RGS18: variants seen among roughly 807,000 people sequenced by gnomAD.
The protein encoded by RGS18 is regulator of G-protein signaling 18.
A neutral mutation model predicts 27.6 loss-of-function variants in RGS18; 22 were observed. That is an observed-to-expected ratio of 0.80 (90% CI 0.57 to 1.14). RGS18 has a LOEUF of 1.14. Ranked by LOEUF, RGS18 falls within the 50% of genes most tolerant of loss-of-function variation. The probability of loss-of-function intolerance (pLI) is 0.00; values close to 1 mark genes in which losing one functional copy is unlikely to be tolerated. For synonymous variants in RGS18, 89 were observed against 84.6 expected, an observed-to-expected ratio of 1.05 and a Z score of -0.29; for missense variants, 299 against 269.6, an observed-to-expected ratio of 1.11 and a Z score of -0.76.
At chr1:192,160,497 G>T in intron 3 of RGS18, 58 bp downstream of exon 3, 1 of 1,243,188 alleles carries the variant, frequency 8.0e-7, no homozygotes, top group South Asian at 1.3e-5. Context: ...CACAAACTAT[G>T]CATGTAATTA....
chr1:192,160,175 A>C (rs759238240), intron 2 of RGS18, among the ~76,000 whole-genome samples: 1 of 152,196 alleles, frequency 6.6e-6, no homozygotes, highest in Admixed American at 6.5e-5. Flanking sequence ...TTATTTCAAC[A>C]CATTATTCAA....
chr1:192,159,994 A>AT (rs988717215), intron 2 of RGS18, among the ~76,000 whole-genome samples: 3 of 151,360 alleles, frequency 2.0e-5, no homozygotes, highest in Admixed American at 6.6e-5. Flanking sequence ...TTGCAGTATA[A>AT]TTTTTTTTTA....
In RGS18 at chr1:192,185,053, A is replaced by G. The variant is rs544291246; in HGVS notation, c.*499A>G. ...GTTCTTACAATGGGAGATGAAGAACATTTATTATTGGGTTACTACTAACCC... is the reference window on the plus strand; with the variant it reads ...GTTCTTACAATGGGAGATGAAGAACGTTTATTATTGGGTTACTACTAACCC... On this transcript the variant is annotated 3_prime_UTR_variant, in exon 5 of 5. Coordinates refer to ENST00000367460, the MANE Select transcript of RGS18 (RefSeq NM_130782.3). 1 of 157,204 alleles carries G rather than the reference A, an allele frequency of 6.4e-6. No individual in the cohort carries two copies. The highest frequency in any genetic ancestry group is 1.9e-4 in the East Asian group (1 of 5,366). 9.7% of individuals were successfully genotyped at this position (157,204 alleles called of 1,614,324 possible).
chr1:192,159,903 T>C (rs1172107561), intron 2 of RGS18, among the ~76,000 whole-genome samples: 1 of 152,044 alleles, frequency 6.6e-6, no homozygotes, highest in African/African-American at 2.4e-5. Context: ...TTCTTATCCC[T>C]TTGAAACTTT....
chr1:192,166,024 T>G (rs1222510615), intron 3 of RGS18, among the ~76,000 whole-genome samples: 1 of 152,196 alleles, frequency 6.6e-6, no homozygotes, highest in African/African-American at 2.4e-5. Flanking sequence ...TTAATTTAGT[T>G]TTATCAGTCT....
chr1:192,171,184 T>C (rs931846531), intron 3 of RGS18, among the ~76,000 whole-genome samples: 1 of 152,092 alleles, frequency 6.6e-6, no homozygotes, highest in Non-Finnish European at 1.5e-5. Context: ...TTCATTTATA[T>C]TTCCCTTTTA....
chr1:192,159,283 C>T lies in RGS18; in HGVS notation c.183C>T (p.Thr61=). Residue 61 remains threonine (T), a synonymous_variant, in exon 2 of 5, where the codon ACC becomes ACT. Transcript: ENST00000367460. Reference sequence around the variant, plus strand: ...AGAAACCTGAGTTTCATGAAGACACCCGCTCCAGTAGATCTGGGCACTTGG... The same window carrying T: ...AGAAACCTGAGTTTCATGAAGACACTCGCTCCAGTAGATCTGGGCACTTGG... ...LVQKPEFHED[T]RSSRSGHLAK... 6.2e-7 allele frequency: 1 copy of T among 1,613,364 alleles called. No homozygotes were observed. Among genetic ancestry groups the T allele is most frequent in the African/African-American group, 1.3e-5 (1 of 75,000 alleles).
chr1:192,184,192 A>G, intron 4 of RGS18, 105 bp from the exon 5 acceptor site: 1 of 1,010,650 alleles, frequency 9.9e-7, no homozygotes, highest in Non-Finnish European at 1.5e-6. Flanking sequence ...ATCTGCTTCT[A>G]AGCCCAAGAT....
At chr1:192,163,230 A>G (rs1470564638) in intron 3 of RGS18, 1 of 152,176 alleles carries the variant, frequency 6.6e-6, no homozygotes, top group Non-Finnish European at 1.5e-5. Context: ...CTGCTATTAT[A>G]AAAAATAATA....
rs35623527 is a variant in RGS18 at position 192,159,233 on chromosome 1, A to G, written c.133A>G (p.Arg45Gly). 789 of 1,612,290 alleles carry G rather than the reference A, an allele frequency of 4.9e-4. 4 individuals are homozygous for G. In the African/African-American group the frequency reaches 9.4e-3, roughly 19 times the overall value. ...KEAKIRAKEK[R>G]NRLSLLVQKP... ...TTTTTATTACAGAGCTAAGGAAAAAAGAAATAGACTAAGTCTTCTTGTGCA... is the reference window on the plus strand; with the variant it reads ...TTTTTATTACAGAGCTAAGGAAAAAGGAAATAGACTAAGTCTTCTTGTGCA... Residue 45 changes from arginine to glycine, a missense_variant, in exon 2 of 5, where the codon AGA becomes GGA. Coordinates refer to ENST00000367460, the MANE Select transcript of RGS18 (RefSeq NM_130782.3).
At position 192,166,526 on chromosome 1, in the gene RGS18, A is replaced by ATAGAC. The variant is rs148320920; in HGVS notation, c.283+6090_283+6094dup. On this transcript the variant is annotated intron_variant, in intron 3 of 4. Coordinates refer to ENST00000367460, the MANE Select transcript of RGS18 (RefSeq NM_130782.3). The stretch of plus-strand genomic sequence containing the variant: ...AAAGGTAAAATTCCATGCATGTAAT[A>ATAGAC]TAGACTACCTACAAAGTTGTTATAT... 2.6e-5 allele frequency among the ~76,000 whole-genome samples: 4 copies of ATAGAC among 152,268 alleles called. No individual in the cohort carries two copies. In the East Asian group the frequency reaches 7.7e-4, roughly 29 times the overall value.
intron 3 of RGS18, among the ~76,000 whole-genome samples, chr1:192,172,864 C>CAT (rs549568195): frequency 0.029 from 3,987 of 135,506 alleles, 108 homozygotes; most frequent in African/African-American, 0.056. Context: ...GAAAAATATG[C>CAT]ATATATATAT....
chr1:192,169,992 T>C (rs1248569570), intron 3 of RGS18, among the ~76,000 whole-genome samples: 1 of 152,198 alleles, frequency 6.6e-6, no homozygotes, highest in Non-Finnish European at 1.5e-5. Flanking sequence ...AATAGCTGGT[T>C]TCCATTATCT....
In RGS18 at chr1:192,184,805, G is replaced by A; in HGVS notation, c.*251G>A. The A allele has an allele frequency of 2.6e-6, 1 of 381,030 alleles. No homozygotes were observed. The highest frequency in any genetic ancestry group is 4.7e-6 in the Non-Finnish European group (1 of 211,550). The allele number at this position is 381,030 out of a possible 1,614,324, so 23.6% of individuals were successfully genotyped here. A position where few individuals can be genotyped will look rare whatever the true frequency, so the allele number is the denominator to read the frequency against. On this transcript the variant is annotated 3_prime_UTR_variant, in exon 5 of 5. Coordinates refer to ENST00000367460, the MANE Select transcript of RGS18 (RefSeq NM_130782.3). Reference sequence around the variant, plus strand: ...AAACTTATTTCTTAATCAAAAGGCAGTACAAAAAAAGTAATAATGTTTTAT... The same window carrying A: ...AAACTTATTTCTTAATCAAAAGGCAATACAAAAAAAGTAATAATGTTTTAT...
intron 3 of RGS18, among the ~76,000 whole-genome samples, chr1:192,161,078 C>T (rs1338768179): frequency 6.6e-6 from 1 of 152,210 alleles, no homozygotes; most frequent in Non-Finnish European, 1.5e-5. Flanking sequence ...TCTCAATCTG[C>T]TGACCTGGTG....
chr1:192,166,165 T>A (rs1430065964), intron 3 of RGS18, among the ~76,000 whole-genome samples: 2 of 152,180 alleles, frequency 1.3e-5, no homozygotes, highest in Non-Finnish European at 2.9e-5. Context: ...TATGGCTCTG[T>A]GTAGGCACGT....
At chr1:192,161,825 A>T (rs1383717049) in intron 3 of RGS18, among the ~76,000 whole-genome samples, 2 of 152,180 alleles carry the variant, frequency 1.3e-5, no homozygotes, top group Non-Finnish European at 2.9e-5. Context: ...TGCTCCATTT[A>T]ATGTAACAAC....
At chr1:192,158,798 G>C in intron 1 of RGS18, 42 bp downstream of exon 1, 2 of 1,323,320 alleles carry the variant, frequency 1.5e-6, no homozygotes, top group Non-Finnish European at 2.1e-6. Context: ...ACTTTTAAAA[G>C]CATAATTGAG....
At chr1:192,169,662 T>G (rs2102154568) in intron 3 of RGS18, 1 of 152,258 alleles carries the variant, frequency 6.6e-6, no homozygotes, top group South Asian at 2.1e-4. Context: ...TTAATTAGGA[T>G]TACCTGAAAA....
Sources: gnomAD v4.1 joint callset for allele counts (sites outside exome capture counted in the v4.1 genomes callset) on GRCh38, gnomAD v4.1.1 for gene constraint, MANE v1.5 for transcripts, NCBI Gene and HGNC (gene_info 2026-07-23, HGNC 2026-07-21) for gene names.